The following BRAT1 variants were observed in gnomAD, a reference collection of about 807,000 sequenced individuals.
BRAT1 encodes integrator complex assembly factor BRAT1.
In BRAT1, 74 loss-of-function variants were observed where a neutral mutation model predicts 70.6. The observed-to-expected ratio is 1.05, with a 90% CI of 0.87 to 1.27. The LOEUF (loss-of-function observed/expected upper bound fraction) is 1.27. BRAT1 is among the 50% of genes most tolerant of loss of function. The pLI is 0.00. For missense variants in BRAT1, 1,203 were observed against 1,098.2 expected (o/e 1.10, Z -1.35); for synonymous variants, 615 against 517.1 (o/e 1.19, Z -2.57).
At chr7:2,540,089 G>T in intron 10 of BRAT1, 2 of 519,128 alleles carry the variant, frequency 3.9e-6, no homozygotes, top group South Asian at 5.5e-5. Context: ...TGCAATCACA[G>T]TTCACTGCAG....
intron 10 of BRAT1, 107 bp from the exon 11 acceptor site, chr7:2,539,995 G>A (rs1277453268): frequency 5.1e-6 from 4 of 777,658 alleles, no homozygotes; most frequent in African/African-American, 1.8e-5. Context: ...GGACAGCAAT[G>A]GGGACAGGAA....
In BRAT1 at chr7:2,538,097, A is replaced by T; in HGVS notation, c.2438T>A (p.Leu813Gln). 6.3e-7 allele frequency: 1 copy of T among 1,583,610 alleles called. No homozygotes were observed. The highest frequency in any genetic ancestry group is 8.6e-7 in the Non-Finnish European group (1 of 1,159,510). Residue 813 changes from leucine to glutamine, a missense_variant, in exon 14 of 14, where the codon CTG becomes CAG. Leu to Gln is a moderately radical substitution (Grantham distance 113). Coordinates refer to ENST00000340611, the MANE Select transcript of BRAT1 (RefSeq NM_152743.4). ...GTAGCAGTCGGCCTCGTCCCCCTGC[A>T]GGAAGCCTCCCGTGGCCAGCATGTC... ...LQDMLATGGFLQGDEADCY is the reference protein window; with the variant it reads ...LQDMLATGGFQQGDEADCY
intron 4 of BRAT1, 185 bp from the exon 5 acceptor site, chr7:2,544,147 C>A (rs1299643666): frequency 8.6e-6 from 4 of 465,234 alleles, no homozygotes; most frequent in Non-Finnish European, 1.5e-5. Context: ...CTCCTCCCCC[C>A]GAGCGTTAAA....
At chr7:2,542,504 G>C in intron 6 of BRAT1, 2 of 204,734 alleles carry the variant, frequency 9.8e-6, no homozygotes, top group Non-Finnish European at 8.5e-6. Context: ...CGCTCAGGGG[G>C]ACAGGGATGG....
intron 2 of BRAT1, among the ~76,000 whole-genome samples, chr7:2,550,860 C>T (rs1238454625): frequency 6.6e-6 from 1 of 152,094 alleles, no homozygotes; most frequent in Admixed American, 6.5e-5. Flanking sequence ...TTTATTTTGT[C>T]CATTTCTCAT....
At chr7:2,550,495 G>A (rs112705374) in intron 2 of BRAT1, among the ~76,000 whole-genome samples, 2,336 of 53,114 alleles carry the variant, frequency 0.044, 13 homozygotes, top group African/African-American at 0.085. Context: ...AAAAAAAAAA[G>A]AAAGAAAAGA....
chr7:2,545,496 CT>C (rs71550356), intron 3 of BRAT1, among the ~76,000 whole-genome samples: 116 of 129,932 alleles, frequency 8.9e-4, no homozygotes, highest in South Asian at 1.7e-3. Flanking sequence ...CTTTCTTCTT[CT>C]TTTTTTTTTT....
At chr7:2,553,450 A>G (rs907438535) in intron 2 of BRAT1, among the ~76,000 whole-genome samples, 1 of 152,236 alleles carries the variant, frequency 6.6e-6, no homozygotes, top group Non-Finnish European at 1.5e-5. Flanking sequence ...TTAACATATT[A>G]TGTGGAGAAA....
At chr7:2,551,986 T>G (rs1562593075) in intron 2 of BRAT1, among the ~76,000 whole-genome samples, 1 of 141,344 alleles carries the variant, frequency 7.1e-6, no homozygotes, top group African/African-American at 2.6e-5. Context: ...ATGAAAAGCA[T>G]AAAATACTCA....
At chr7:2,542,592 C>A (rs1050718173) in intron 6 of BRAT1, 3 of 262,362 alleles carry the variant, frequency 1.1e-5, no homozygotes, top group Admixed American at 1.0e-4. Flanking sequence ...GAGGCAGTGT[C>A]CCCACAATGC....
chr7:2,539,511 G>C (rs1359202907), intron 12 of BRAT1, 33 bp downstream of exon 12: 63 of 1,530,194 alleles, frequency 4.1e-5, no homozygotes, highest in Non-Finnish European at 5.4e-5. Flanking sequence ...CCCACAGGCG[G>C]GGAAGGCAGC....
chr7:2,550,318 C>T (rs554564310), intron 2 of BRAT1, among the ~76,000 whole-genome samples: 1 of 150,712 alleles, frequency 6.6e-6, no homozygotes, highest in Non-Finnish European at 1.5e-5. Flanking sequence ...AATACAAAAA[C>T]TTAGCCGGGC....
chr7:2,538,211 A>C lies in BRAT1; in HGVS notation c.2324T>G (p.Met775Arg). Residue 775 changes from methionine to arginine, a missense_variant, in exon 14 of 14, where the codon ATG becomes AGG. Met to Arg is a moderately conservative substitution (Grantham distance 91, BLOSUM62 -1). Coordinates refer to ENST00000340611, the MANE Select transcript of BRAT1 (RefSeq NM_152743.4). ...GCCCTCCAGGTCTAGGGACCTGAGC[A>C]TGGCCAGCACAGCCTCAGGCTCCTG... is the stretch of plus-strand genomic sequence containing the variant. ...GDQEPEAVLA[M>R]LRSLDLEGLR... The C allele has an allele frequency of 6.2e-7, 1 of 1,610,006 alleles. No homozygotes were observed. Among genetic ancestry groups the C allele is most frequent in the South Asian group, 1.1e-5 (1 of 91,024 alleles).
At position 2,538,553 on chromosome 7, in the gene BRAT1, A is replaced by T; in HGVS notation, c.1982T>A (p.Phe661Tyr). ...CGGCGGCCCCAAAGTCTGGCCCAGG[A>T]ACACGAGGGCCAGCTCCAGGCCCTG... ...RAQGLELALV[F>Y]LGQTLGPPRT... is the part of the protein sequence containing the mutation. The change falls in exon 14 of 14, where the codon TTC becomes TAC. Residue 661 changes from phenylalanine (F) to tyrosine (Y), a missense_variant. By Grantham distance (22) the Phe-to-Tyr change is conservative. Coordinates refer to ENST00000340611, the MANE Select transcript of BRAT1 (RefSeq NM_152743.4). 1 of 1,601,464 alleles carries T rather than the reference A, an allele frequency of 6.2e-7. No homozygotes were observed. Among genetic ancestry groups the T allele is most frequent in the Non-Finnish European group, 8.5e-7 (1 of 1,177,982 alleles).
At chr7:2,552,106 A>ATTTTTTT (rs1174942520) in intron 2 of BRAT1, among the ~76,000 whole-genome samples, 3 of 14,218 alleles carry the variant, frequency 2.1e-4, no homozygotes, top group African/African-American at 4.6e-4. Context: ...ATATATATAT[A>ATTTTTTT]TTTTTTTTTT....
In BRAT1 at chr7:2,539,537, C is replaced by G; in HGVS notation, c.1597+7G>C. ...GGAAGGCAGCCCCTCCACCTGCCAG[C>G]ACTCACCTCCCCAGTGCCTGCTCAG... On this transcript the variant is annotated splice_region_variant and intron_variant, in intron 12 of 13. Coordinates refer to ENST00000340611, the MANE Select transcript of BRAT1 (RefSeq NM_152743.4). The G allele has an allele frequency of 6.4e-7, 1 of 1,552,144 alleles. No individual in the cohort carries two copies. Among genetic ancestry groups the G allele is most frequent in the Non-Finnish European group, 8.7e-7 (1 of 1,146,520 alleles).
chr7:2,545,144 T>A, intron 3 of BRAT1, 88 bp from the exon 4 acceptor site: 1 of 1,375,050 alleles, frequency 7.3e-7, no homozygotes, highest in Admixed American at 3.1e-5. Flanking sequence ...GGAGGGCAGA[T>A]CACGAGGTCA....
intron 4 of BRAT1, 155 bp from the exon 5 acceptor site, chr7:2,544,117 A>G: frequency 1.8e-6 from 1 of 544,674 alleles, no homozygotes; most frequent in Non-Finnish European, 3.0e-6. Flanking sequence ...CAGGAACTGA[A>G]GCTCCCTGGA....
rs1778954808 is a variant in BRAT1 at position 2,539,301 on chromosome 7, C to T, written c.1648G>A (p.Ala550Thr). Residue 550 changes from alanine to threonine, a missense_variant, in exon 13 of 14, where the codon GCC becomes ACC. Physicochemically the swap from Ala to Thr is moderately conservative, Grantham distance 58. Transcript: ENST00000340611. Reference sequence around the variant, plus strand: ...TCAGGGTCCTGGAGGAGCTGCAGGGCCAGCTGAGGCACCTCTGAAGCCAAG... The same window carrying T: ...TCAGGGTCCTGGAGGAGCTGCAGGGTCAGCTGAGGCACCTCTGAAGCCAAG... ...ALLASEVPQL[A>T]LQLLQDPESY... The T allele has an allele frequency of 6.8e-6, 11 of 1,611,960 alleles. No individual in the cohort carries two copies. The highest frequency in any genetic ancestry group is 5.3e-5 in the African/African-American group (4 of 75,010).
Sources: gnomAD v4.1 joint callset for allele counts (sites outside exome capture counted in the v4.1 genomes callset) on GRCh38, gnomAD v4.1.1 for gene constraint, MANE v1.5 for transcripts, NCBI Gene and HGNC (gene_info 2026-07-23, HGNC 2026-07-21) for gene names.